The following WDR41 variants were observed in gnomAD, a reference collection of about 807,000 sequenced individuals.
WDR41 encodes the protein WD repeat-containing protein 41.
In WDR41, 63 loss-of-function variants were observed where a neutral mutation model predicts 69.3. The ratio of observed to expected loss-of-function variants is 0.91; its 90% CI spans 0.74 to 1.12. The LOEUF (loss-of-function observed/expected upper bound fraction) is 1.12, where lower values mean the gene tolerates loss of function less well. Among genes scored for constraint, WDR41 ranks in the 50% most tolerant of loss-of-function variants. The pLI, the probability that WDR41 is intolerant of heterozygous loss-of-function variation, is 0.00. For synonymous variants in WDR41, 185 were observed against 192.1 expected (o/e 0.96, Z 0.31); for missense variants, 543 against 534.5 (o/e 1.02, Z -0.16).
At chr5:77,462,818 T>C (rs1800128590) in intron 4 of WDR41, among the ~76,000 whole-genome samples, 2 of 152,190 alleles carry the variant, frequency 1.3e-5, no homozygotes, top group African/African-American at 4.8e-5. Flanking sequence ...AAGTCCACAT[T>C]TTCCCATTTC....
At chr5:77,594,295 T>G (rs1744184078) in intron 1 of WDR41, among the ~76,000 whole-genome samples, 1 of 148,500 alleles carries the variant, frequency 6.7e-6, no homozygotes, top group South Asian at 2.2e-4. Context: ...GGGATAGCAT[T>G]AGGAGATATA....
At chr5:77,473,231 G>C (rs1384317325) in intron 2 of WDR41, among the ~76,000 whole-genome samples, 4 of 152,158 alleles carry the variant, frequency 2.6e-5, no homozygotes, top group South Asian at 2.1e-4. Flanking sequence ...TGGGAAAACT[G>C]GCTAGTCATA....
intron 6 of WDR41, 56 bp from the exon 7 acceptor site, chr5:77,451,409 A>T: frequency 1.3e-6 from 2 of 1,519,894 alleles, no homozygotes; most frequent in South Asian, 2.3e-5. Flanking sequence ...TTATATCAAA[A>T]ACAAAAACAT....
rs551271544 is a variant in WDR41, at chr5:77,574,309, A to T, written c.42+46170T>A. On this transcript the variant is annotated intron_variant, in intron 1 of 5. Transcript: ENST00000509971. ...CGAGACTCCATCTCAAAATAAATAAATAATAAATAAATAAATAAATAAAAT... is the reference window on the plus strand; with the variant it reads ...CGAGACTCCATCTCAAAATAAATAATTAATAAATAAATAAATAAATAAAAT... Among the ~76,000 whole-genome samples, 378 of 151,360 alleles carry T rather than the reference A, an allele frequency of 2.5e-3. 2 individuals are homozygous for T. The highest frequency in any genetic ancestry group is 8.9e-3 in the African/African-American group (366 of 41,028).
intron 8 of WDR41, among the ~76,000 whole-genome samples, chr5:77,449,398 G>C (rs1799533236): frequency 1.3e-5 from 2 of 152,196 alleles, no homozygotes; most frequent in Non-Finnish European, 2.9e-5. Context: ...GGTGTGGACA[G>C]CAAGACAAAA....
intron 1 of WDR41, among the ~76,000 whole-genome samples, chr5:77,566,281 A>G (rs1228963030): frequency 6.6e-6 from 1 of 152,106 alleles, no homozygotes; most frequent in Admixed American, 6.6e-5. Context: ...AAGCTATTTT[A>G]CTATTTACTA....
chr5:77,450,605 A>G (rs1484275891), intron 7 of WDR41, among the ~76,000 whole-genome samples: 1 of 152,216 alleles, frequency 6.6e-6, no homozygotes, highest in African/African-American at 2.4e-5. Flanking sequence ...CCAAATGTGA[A>G]TAAGGCCCAG....
At position 77,613,259 on chromosome 5, in the gene WDR41, A is replaced by C. The variant is rs888184861; in HGVS notation, c.42+7220T>G. Among the ~76,000 whole-genome samples, 6 of 152,138 alleles carry C rather than the reference A, an allele frequency of 3.9e-5. No individual in the cohort carries two copies. The East Asian group carries it at 9.6e-4, about 24-fold the overall frequency. On this transcript the variant is annotated intron_variant, in intron 1 of 5. Coordinates refer to the WDR41 transcript ENST00000509971. Reference sequence around the variant, plus strand: ...GATTCAATGCCATTCCCATCAAGCTACCAATGACTTTCTTCACAGAATTGG... The same window carrying C: ...GATTCAATGCCATTCCCATCAAGCTCCCAATGACTTTCTTCACAGAATTGG...
chr5:77,486,390 T>C (rs1581761554), intron 2 of WDR41, among the ~76,000 whole-genome samples: 1 of 152,328 alleles, frequency 6.6e-6, no homozygotes, highest in East Asian at 1.9e-4. Flanking sequence ...TTAGACTCAC[T>C]GTGGTAGATC....
chr5:77,562,158 T>C (rs1743539267), intron 1 of WDR41, among the ~76,000 whole-genome samples: 2 of 152,172 alleles, frequency 1.3e-5, no homozygotes, highest in African/African-American at 4.8e-5. Context: ...TGATTTTTGA[T>C]TTAGTGCCGA....
At chr5:77,564,098 T>C (rs1743572656) in intron 1 of WDR41, among the ~76,000 whole-genome samples, 1 of 152,180 alleles carries the variant, frequency 6.6e-6, no homozygotes, top group Non-Finnish European at 1.5e-5. Context: ...TAAATACATG[T>C]AAAGTATAAA....
chr5:77,551,933 C>T (rs912813484), intron 1 of WDR41, among the ~76,000 whole-genome samples: 1 of 147,654 alleles, frequency 6.8e-6, no homozygotes, highest in Non-Finnish European at 1.5e-5. Flanking sequence ...GAGCCGAGAT[C>T]GTGCCACTGC....
intron 1 of WDR41, among the ~76,000 whole-genome samples, chr5:77,516,810 A>T (rs1456441122): frequency 1.3e-5 from 2 of 152,138 alleles, no homozygotes; most frequent in Non-Finnish European, 2.9e-5. Context: ...CGAGGTCAGG[A>T]GATTGAGACC....
intron 1 of WDR41, among the ~76,000 whole-genome samples, chr5:77,567,615 A>AAACTAAGTACTG (rs1386723424): frequency 2.0e-5 from 3 of 151,540 alleles, no homozygotes; most frequent in African/African-American, 7.3e-5. Flanking sequence ...TTATCTCTAC[A>AAACTAAGTACTG]AACTAAGTAC....
At chr5:77,436,112 C>CTA (rs10686272) in intron 12 of WDR41, 149 bp downstream of exon 12, 99,100 of 1,026,654 alleles carry the variant, frequency 0.097, 9,518 homozygotes, top group African/African-American at 0.43. Context: ...ACTGCACATA[C>CTA]TATAGCCTAT....
At chr5:77,450,791 G>C (rs181622489) in intron 7 of WDR41, among the ~76,000 whole-genome samples, 1 of 152,128 alleles carries the variant, frequency 6.6e-6, no homozygotes, top group Non-Finnish European at 1.5e-5. Context: ...TTCAAATTAC[G>C]AAAGTATCTT....
intron 1 of WDR41, among the ~76,000 whole-genome samples, chr5:77,607,446 C>T (rs548882068): frequency 3.3e-4 from 50 of 152,294 alleles, no homozygotes; most frequent in African/African-American, 6.0e-4. Flanking sequence ...AGAGGTAGAA[C>T]GAGTTTTCAA....
chr5:77,566,885 G>A (rs1743643019), intron 1 of WDR41, among the ~76,000 whole-genome samples: 2 of 152,110 alleles, frequency 1.3e-5, no homozygotes, highest in African/African-American at 2.4e-5. Flanking sequence ...GGCACCAGAA[G>A]TCACTAGAGT....
chr5:77,558,730 T>C (rs1010337033), intron 1 of WDR41, among the ~76,000 whole-genome samples: 1 of 152,234 alleles, frequency 6.6e-6, no homozygotes, highest in South Asian at 2.1e-4. Context: ...CACAAACTAA[T>C]TTTCCAGCAC....
Sources: gnomAD v4.1 joint callset for allele counts (sites outside exome capture counted in the v4.1 genomes callset) on GRCh38, gnomAD v4.1.1 for gene constraint, MANE v1.5 for transcripts, NCBI Gene and HGNC (gene_info 2026-07-23, HGNC 2026-07-21) for gene names.